EMP1: variants seen among roughly 807,000 people sequenced by gnomAD.
EMP1 encodes the protein tumor-associated membrane protein.
EMP1 carries 5 observed loss-of-function variants against 15.7 expected under a neutral mutation model. That is an observed-to-expected ratio of 0.32 (90% CI 0.17 to 0.67). EMP1 has a LOEUF of 0.67. Ranked by LOEUF, EMP1 falls within the 30% of genes least tolerant of loss-of-function variation. EMP1 has a pLI of 0.74. For synonymous variants in EMP1, 78 were observed against 76.7 expected, an observed-to-expected ratio of 1.02 and a Z score of -0.09; for missense variants, 166 against 194.2, an observed-to-expected ratio of 0.85 and a Z score of 0.86.
At chr12:13,208,222 A>G (rs1007893859) in intron 1 of EMP1, among the ~76,000 whole-genome samples, 2 of 152,236 alleles carry the variant, frequency 1.3e-5, no homozygotes, top group African/African-American at 4.8e-5. Flanking sequence ...ACAATGGGGC[A>G]GAGAATGAAT....
chr12:13,219,679 G>C lies in EMP1; in HGVS notation c.*4988G>C, dbSNP rs1431349522. The C allele has an allele frequency of 6.6e-6, 1 of 152,152 alleles. No individual in the cohort carries two copies. Among genetic ancestry groups the C allele is most frequent in the Non-Finnish European group, 1.5e-5 (1 of 68,022 alleles). The allele number at this position is 152,152 out of a possible 1,614,324, so 9.4% of individuals were successfully genotyped here. ...AGTGAGCCCTGATTCAAAAATGACTGTCTACACTTGGCACATGAGGGACTT... is the reference window on the plus strand; with the variant it reads ...AGTGAGCCCTGATTCAAAAATGACTCTCTACACTTGGCACATGAGGGACTT... On this transcript the variant is annotated 3_prime_UTR_variant, in exon 5 of 5. Transcript: ENST00000256951.
At chr12:13,207,175 G>T (rs561606381) in intron 1 of EMP1, among the ~76,000 whole-genome samples, 1 of 151,992 alleles carries the variant, frequency 6.6e-6, no homozygotes, top group African/African-American at 2.4e-5. Context: ...GCAATGGAGC[G>T]ATCTTGGCTT....
At chr12:13,213,877 G>A (rs1864189663) in intron 4 of EMP1, 56 bp downstream of exon 4, 29 of 1,605,848 alleles carry the variant, frequency 1.8e-5, no homozygotes, top group Non-Finnish European at 2.3e-5. Context: ...CTTACCATGG[G>A]TGTTTCTGGC....
Position 13,219,685 on chromosome 12 carries a change from A to G in EMP1, c.*4994A>G, listed in dbSNP as rs1207761711. 1 of 152,228 alleles carries G rather than the reference A, an allele frequency of 6.6e-6. No homozygotes were observed. The allele number at this position is 152,228 out of a possible 1,614,324, so 9.4% of individuals were successfully genotyped here. A position where few individuals can be genotyped will look rare whatever the true frequency, so the allele number is the denominator to read the frequency against. ...CCCTGATTCAAAAATGACTGTCTAC[A>G]CTTGGCACATGAGGGACTTTATGAT... On this transcript the variant is annotated 3_prime_UTR_variant, in exon 5 of 5. Transcript: ENST00000256951.
chr12:13,200,310 A>T (rs1864053449), intron 1 of EMP1, among the ~76,000 whole-genome samples: 1 of 152,136 alleles, frequency 6.6e-6, no homozygotes, highest in Admixed American at 6.5e-5. Context: ...CATGTAGCCC[A>T]CACCTATACA....
At chr12:13,203,850 T>C (rs1436401267) in intron 1 of EMP1, among the ~76,000 whole-genome samples, 1 of 152,214 alleles carries the variant, frequency 6.6e-6, no homozygotes, top group Non-Finnish European at 1.5e-5. Flanking sequence ...AGGGGCAGAT[T>C]TATTATAAGA....
In EMP1 at chr12:13,216,863, T is replaced by G. The variant is rs965968150; in HGVS notation, c.*2172T>G. The G allele has an allele frequency of 1.8e-5, 3 of 163,152 alleles. No individual in the cohort carries two copies. The highest frequency in any genetic ancestry group is 4.0e-5 in the Non-Finnish European group (3 of 74,978). The allele number at this position is 163,152 out of a possible 1,614,324, so 10.1% of individuals were successfully genotyped here. A position where few individuals can be genotyped will look rare whatever the true frequency, so the allele number is the denominator to read the frequency against. ...TCATTAAGCTGCCTATCAGTTTGAT[T>G]TGGACAACTTGACATTTATTTGAGA... On this transcript the variant is annotated 3_prime_UTR_variant, in exon 5 of 5. Coordinates refer to ENST00000256951, the MANE Select transcript of EMP1 (RefSeq NM_001423.3).
intron 1 of EMP1, among the ~76,000 whole-genome samples, chr12:13,207,364 A>G (rs1565578448): frequency 6.6e-6 from 1 of 152,158 alleles, no homozygotes; most frequent in Non-Finnish European, 1.5e-5. Flanking sequence ...TACTGACTAT[A>G]TTAGCTATTC....
In EMP1 at chr12:13,211,740, A is replaced by G; in HGVS notation, c.78+152A>G. 1 of 764,496 alleles carries G rather than the reference A, an allele frequency of 1.3e-6. No individual in the cohort carries two copies. The highest frequency in any genetic ancestry group is 2.5e-5 in the East Asian group (1 of 39,454). 47.4% of individuals were successfully genotyped at this position (764,496 alleles called of 1,614,324 possible). On this transcript the variant is annotated intron_variant, in intron 2 of 4. Transcript: ENST00000256951. The surrounding 1 kb of genome is among the most constrained non-coding windows in gnomAD (Gnocchi z 4.7). ...AAAATAAACACACGCTTGCCCTTCA[A>G]ACAATTAAATAACAGGAGGATAAAA...
chr12:13,206,604 C>T (rs996292531), intron 1 of EMP1, among the ~76,000 whole-genome samples: 8 of 152,208 alleles, frequency 5.3e-5, no homozygotes, highest in East Asian at 1.9e-4. Context: ...TTTTAGGTCA[C>T]TCTTAAAGAA....
chr12:13,205,962 G>C (rs1427480210), intron 1 of EMP1, among the ~76,000 whole-genome samples: 2 of 152,204 alleles, frequency 1.3e-5, no homozygotes, highest in African/African-American at 2.4e-5. Flanking sequence ...GGGGTTTGGA[G>C]GTTCTTGAGC....
At chr12:13,206,198 G>T (rs1864109301) in intron 1 of EMP1, among the ~76,000 whole-genome samples, 1 of 152,146 alleles carries the variant, frequency 6.6e-6, no homozygotes, top group African/African-American at 2.4e-5. Context: ...GGAATGAGGG[G>T]AAGGGAAGAT....
intron 1 of EMP1, among the ~76,000 whole-genome samples, chr12:13,208,802 A>G (rs370123628): frequency 1.3e-4 from 20 of 152,252 alleles, no homozygotes; most frequent in African/African-American, 4.8e-4. Context: ...TCTCACATCC[A>G]TTCTTCCAGC....
Position 13,208,816 on chromosome 12 carries a change from C to A in EMP1, c.-42-2653C>A, listed in dbSNP as rs1323998871. Among the ~76,000 whole-genome samples the A allele has an allele frequency of 2.6e-5, 4 of 152,302 alleles. No homozygotes were observed. In the East Asian group the frequency reaches 7.7e-4, roughly 29 times the overall value. On this transcript the variant is annotated intron_variant, in intron 1 of 4. Transcript: ENST00000256951. ...TTCTCACATCCATTCTTCCAGCCTG[C>A]AATGGGCAGGGCATATGGTCAGGTG...
rs553451681 is a variant in EMP1, at chr12:13,199,755, A to G, written c.-43+2883A>G. ...CCCTTAGCAGGCCAACTCTAATTTT[A>G]TTAAAGTTCCTTAAATCAAGCAAAA... On this transcript the variant is annotated intron_variant, in intron 1 of 4. Transcript: ENST00000256951. 1.1e-4 allele frequency among the ~76,000 whole-genome samples: 16 copies of G among 152,304 alleles called. No individual in the cohort carries two copies. In the East Asian group the frequency reaches 2.9e-3, roughly 28 times the overall value.
rs1392277090 is a variant in EMP1 at position 13,213,556 on chromosome 12, C to A, written c.156C>A (p.Ser52Arg). ...KNCTNISCSD[S>R]LSYASEDALK... ...GTACCAACATTAGCTGCAGTGACAG[C>A]CTGTCATATGCCAGTGAAGGTATAT... The change falls in exon 3 of 5, where the codon AGC becomes AGA. Residue 52 changes from serine (S) to arginine (R), a missense_variant. Coordinates refer to ENST00000256951, the MANE Select transcript of EMP1 (RefSeq NM_001423.3). 6.2e-7 allele frequency: 1 copy of A among 1,614,056 alleles called. No homozygotes were observed. The highest frequency in any genetic ancestry group is 1.3e-5 in the African/African-American group (1 of 74,902).
rs373100799 is a variant in EMP1, at chr12:13,214,738, G to A, written c.*47G>A. 6.4e-4 allele frequency: 952 copies of A among 1,498,434 alleles called. 1 individual carries two copies. The highest frequency in any genetic ancestry group is 8.0e-4 in the Middle Eastern group (4 of 5,016). 92.8% of individuals were successfully genotyped at this position (1,498,434 alleles called of 1,614,324 possible). On this transcript the variant is annotated 3_prime_UTR_variant, in exon 5 of 5. Coordinates refer to ENST00000256951, the MANE Select transcript of EMP1 (RefSeq NM_001423.3). ...TCTGGGGGGTGGGGAGGAGGAAGCCGTTGAATCTGGGAGGGAAGTGGAGGT... is the reference window on the plus strand; with the variant it reads ...TCTGGGGGGTGGGGAGGAGGAAGCCATTGAATCTGGGAGGGAAGTGGAGGT...
At chr12:13,203,115 C>T (rs548617072) in intron 1 of EMP1, among the ~76,000 whole-genome samples, 43 of 152,204 alleles carry the variant, frequency 2.8e-4, no homozygotes, top group Admixed American at 9.8e-4. Flanking sequence ...CCCAGCTTGC[C>T]GCCTTCCAGG....
At chr12:13,213,599 G>C (rs962382598) in intron 3 of EMP1, 24 bp downstream of exon 3, 7 of 1,614,050 alleles carry the variant, frequency 4.3e-6, no homozygotes, top group Non-Finnish European at 5.9e-6. Context: ...TATTGACCCA[G>C]TGCTGACAAT....
Sources: allele counts gnomAD v4.1 joint callset (sites outside exome capture counted in the v4.1 genomes callset), GRCh38; gene constraint gnomAD v4.1.1; non-coding constraint Gnocchi (gnomAD v3.1); transcripts MANE v1.5; gene names NCBI Gene and HGNC (gene_info 2026-07-23, HGNC 2026-07-21).